Variants in HSD17B12 observed in about 807,000 individuals in gnomAD.
The protein encoded by HSD17B12 is very-long-chain 3-oxoacyl-CoA reductase.
A neutral mutation model predicts 39.3 loss-of-function variants in HSD17B12; 32 were observed. The observed-to-expected ratio is 0.81, with a 90% confidence interval of 0.61 to 1.09. The LOEUF is 1.09. Ranked by LOEUF, HSD17B12 falls within the 50% of genes least tolerant of loss-of-function variation. The probability of loss-of-function intolerance (pLI) is 0.00; values close to 1 mark genes in which losing one functional copy is unlikely to be tolerated. For missense variants in HSD17B12, 342 were observed against 382.9 expected, an observed-to-expected ratio of 0.89 and a Z score of 0.89; for synonymous variants, 150 against 146.7, an observed-to-expected ratio of 1.02 and a Z score of -0.16.
intron 7 of HSD17B12, chr11:43,834,017 A>G (rs867935220): frequency 6.6e-6 from 1 of 152,118 alleles, no homozygotes. Flanking sequence ...TCATAACTGT[A>G]TTGCTTAAGG....
intron 1 of HSD17B12, among the ~76,000 whole-genome samples, chr11:43,725,498 C>A (rs1490692009): frequency 6.6e-6 from 1 of 152,154 alleles, no homozygotes; most frequent in African/African-American, 2.4e-5. Context: ...ACAGAATACA[C>A]AACTATGGTG....
At chr11:43,611,365 C>T in the HSD17B12 span, among the ~76,000 whole-genome samples, 94 of 152,346 alleles carry the variant, frequency 6.2e-4, no homozygotes, top group African/African-American at 2.1e-3. Flanking sequence ...TTTTACCCAT[C>T]CTTCTAGGTC....
chr11:43,758,629 C>G (rs1201742099), intron 3 of HSD17B12, among the ~76,000 whole-genome samples: 1 of 152,180 alleles, frequency 6.6e-6, no homozygotes, highest in Non-Finnish European at 1.5e-5. Flanking sequence ...CTCTGGTTCT[C>G]TCATGGTAAA....
intron 1 of HSD17B12, among the ~76,000 whole-genome samples, chr11:43,742,747 T>G (rs1193585158): frequency 2.0e-5 from 3 of 151,622 alleles, no homozygotes; most frequent in South Asian, 4.1e-4. Flanking sequence ...ATTTCCAGTT[T>G]TTTTGTGTGT....
intron 3 of HSD17B12, among the ~76,000 whole-genome samples, chr11:43,776,277 A>T (rs995373753): frequency 1.3e-5 from 2 of 152,042 alleles, no homozygotes; most frequent in Non-Finnish European, 2.9e-5. Flanking sequence ...TTGTTTCCTG[A>T]CTTTTTAATG....
intron 1 of HSD17B12, among the ~76,000 whole-genome samples, chr11:43,682,950 C>G (rs1262659697): frequency 6.6e-6 from 1 of 151,808 alleles, no homozygotes; most frequent in African/African-American, 2.4e-5. Flanking sequence ...CATCACCACA[C>G]CAGCTCATTT....
the HSD17B12 span, among the ~76,000 whole-genome samples, chr11:43,661,126 A>T: frequency 6.6e-6 from 1 of 152,100 alleles, no homozygotes; most frequent in Admixed American, 6.5e-5. Context: ...CTCCATCTCA[A>T]TAATAATAAT....
chr11:43,576,982 G>A, the HSD17B12 span, among the ~76,000 whole-genome samples: 6 of 152,148 alleles, frequency 3.9e-5, no homozygotes, highest in African/African-American at 1.4e-4. Context: ...GATTTAATGG[G>A]CCATATCTCT....
intron 10 of HSD17B12, 76 bp downstream of exon 10, chr11:43,854,940 T>C: frequency 7.0e-7 from 1 of 1,433,554 alleles, no homozygotes. Flanking sequence ...CAGGATAGTA[T>C]GTAATAGATT....
At chr11:43,657,284 C>T in the HSD17B12 span, among the ~76,000 whole-genome samples, 2 of 152,122 alleles carry the variant, frequency 1.3e-5, no homozygotes, top group African/African-American at 2.4e-5. Flanking sequence ...TTATTTTGAG[C>T]CTATGTGTGT....
chr11:43,799,868 A>G (rs889507802), intron 4 of HSD17B12, among the ~76,000 whole-genome samples: 1 of 152,174 alleles, frequency 6.6e-6, no homozygotes, highest in Admixed American at 6.5e-5. Flanking sequence ...TGGCTTTCAC[A>G]TGCTATCCTT....
At chr11:43,759,191 C>CT (rs1275028856) in intron 3 of HSD17B12, among the ~76,000 whole-genome samples, 10 of 151,404 alleles carry the variant, frequency 6.6e-5, no homozygotes, top group East Asian at 1.9e-4. Flanking sequence ...AAATCAAGGA[C>CT]TTTTTTTTTG....
intron 3 of HSD17B12, among the ~76,000 whole-genome samples, chr11:43,766,142 G>A (rs1950593472): frequency 6.6e-6 from 1 of 152,134 alleles, no homozygotes; most frequent in African/African-American, 2.4e-5. Context: ...TTCTTAACGT[G>A]CTCACTCTCT....
chr11:43,677,591 C>T (rs758213289), upstream of HSD17B12, among the ~76,000 whole-genome samples: 1 of 151,420 alleles, frequency 6.6e-6, no homozygotes, highest in Non-Finnish European at 1.5e-5. Context: ...TTCCTCCCCA[C>T]CCCCCCACCA....
At chr11:43,697,884 T>G (rs1949926482) in intron 1 of HSD17B12, among the ~76,000 whole-genome samples, 1 of 152,198 alleles carries the variant, frequency 6.6e-6, no homozygotes, top group South Asian at 2.1e-4. Flanking sequence ...AGTTTGTTTA[T>G]CCTAAGGACA....
intron 3 of HSD17B12, among the ~76,000 whole-genome samples, chr11:43,760,352 C>T (rs535921751): frequency 2.6e-5 from 4 of 152,232 alleles, no homozygotes; most frequent in South Asian, 2.1e-4. Flanking sequence ...GCCCAGCCCA[C>T]GGTCAGTATT....
At chr11:43,736,284 G>GT (rs377347490) in intron 1 of HSD17B12, among the ~76,000 whole-genome samples, 296 of 149,604 alleles carry the variant, frequency 2.0e-3, no homozygotes, top group African/African-American at 6.3e-3. Flanking sequence ...GCTTTTCACA[G>GT]TTTTTTTTTT....
chr11:43,734,547 C>T, intron 1 of HSD17B12: 1 of 560,794 alleles, frequency 1.8e-6, no homozygotes. Flanking sequence ...GCAGTCCGTG[C>T]CCCTCCAGCT....
At chr11:43,716,092 AAACTT>A (rs755477548) in intron 1 of HSD17B12, among the ~76,000 whole-genome samples, 5 of 152,354 alleles carry the variant, frequency 3.3e-5, no homozygotes, top group Admixed American at 6.5e-5. Context: ...GTTAAACCTG[AAACTT>A]AACTTAATTT....
Sources: allele counts gnomAD v4.1 joint callset (sites outside exome capture counted in the v4.1 genomes callset), GRCh38; gene constraint gnomAD v4.1.1; transcripts MANE v1.5; gene names NCBI Gene and HGNC (gene_info 2026-07-23, HGNC 2026-07-21).